Variants in METTL25 observed in about 807,000 individuals in gnomAD.
The protein encoded by METTL25 is probable methyltransferase-like protein 25.
In METTL25, 64 loss-of-function variants were observed where a neutral mutation model predicts 71.6. The ratio of observed to expected loss-of-function variants is 0.89; its 90% CI spans 0.73 to 1.10. METTL25 has a LOEUF of 1.10. Among genes scored for constraint, METTL25 ranks in the 50% least tolerant of loss-of-function variants. METTL25 has a pLI of 0.00. For synonymous variants in METTL25, 287 were observed against 250.3 expected (o/e 1.15, Z -1.38); for missense variants, 807 against 707.0 (o/e 1.14, Z -1.60).
intron 5 of METTL25, among the ~76,000 whole-genome samples, chr12:82,406,546 T>G (rs1887111630): frequency 6.6e-6 from 1 of 152,278 alleles, no homozygotes; most frequent in Non-Finnish European, 1.5e-5. Flanking sequence ...ATATTGTATT[T>G]TATTTATTCA....
chr12:82,358,865 A>G (rs1325220620), intron 1 of METTL25, 41 bp downstream of exon 1: 2 of 1,560,770 alleles, frequency 1.3e-6, no homozygotes, highest in East Asian at 2.4e-5. Context: ...GAGGCGGAGG[A>G]GAAGGTCCCG....
chr12:82,430,848 G>T (rs1271562744), intron 5 of METTL25, 45 bp from the exon 6 acceptor site: 2 of 1,051,762 alleles, frequency 1.9e-6, no homozygotes, highest in Non-Finnish European at 2.8e-6. Flanking sequence ...AACTGAAAAA[G>T]AAAGAATTTT....
chr12:82,438,685 T>C (rs1284260347), intron 7 of METTL25, 33 bp from the exon 8 acceptor site: 2 of 1,376,288 alleles, frequency 1.5e-6, no homozygotes, highest in Middle Eastern at 3.8e-4. Context: ...TTTTTTTGTT[T>C]CTTGTGCTTA....
chr12:82,434,643 ATC>A, intron 6 of METTL25, 50 bp from the exon 7 acceptor site: 3 of 1,390,052 alleles, frequency 2.2e-6, no homozygotes, highest in Non-Finnish European at 2.9e-6. Context: ...GTGTTTATAA[ATC>A]TTATAAGACT....
intron 9 of METTL25, among the ~76,000 whole-genome samples, chr12:82,471,265 T>G (rs1892552640): frequency 6.6e-6 from 1 of 152,240 alleles, no homozygotes; most frequent in Non-Finnish European, 1.5e-5. Flanking sequence ...GCTAGATTAG[T>G]CTGCATTCCT....
At chr12:82,432,063 C>T (rs1357990590) in intron 6 of METTL25, among the ~76,000 whole-genome samples, 2 of 151,466 alleles carry the variant, frequency 1.3e-5, no homozygotes, top group East Asian at 3.9e-4. Flanking sequence ...ATGTTGTATA[C>T]TTTAAATTTA....
At chr12:82,470,182 C>A (rs1285717923) in intron 9 of METTL25, among the ~76,000 whole-genome samples, 1 of 152,122 alleles carries the variant, frequency 6.6e-6, no homozygotes, top group Non-Finnish European at 1.5e-5. Flanking sequence ...GAAAGAAATT[C>A]ATGATTATTT....
At chr12:82,452,987 A>G (rs867815926) in intron 8 of METTL25, among the ~76,000 whole-genome samples, 20 of 152,210 alleles carry the variant, frequency 1.3e-4, no homozygotes, top group South Asian at 1.0e-3. Flanking sequence ...CAACCACTAC[A>G]CTATCGTGCA....
chr12:82,419,490 G>A (rs543813719), intron 5 of METTL25, among the ~76,000 whole-genome samples: 1 of 151,996 alleles, frequency 6.6e-6, no homozygotes, highest in Non-Finnish European at 1.5e-5. Context: ...TGTCCATAAG[G>A]GGCTGCTTTT....
chr12:82,383,191 T>C (rs1018871661), intron 1 of METTL25, among the ~76,000 whole-genome samples: 3 of 152,120 alleles, frequency 2.0e-5, no homozygotes, highest in African/African-American at 7.2e-5. Flanking sequence ...TTCTTTCTTT[T>C]TGAGACGGAG....
chr12:82,465,876 A>AT (rs1892197099), intron 9 of METTL25, among the ~76,000 whole-genome samples: 1 of 150,946 alleles, frequency 6.6e-6, no homozygotes, highest in Non-Finnish European at 1.5e-5. Flanking sequence ...GCATTTTCTA[A>AT]TTTTTTGGTG....
At chr12:82,439,529 TA>T (rs1440081835) in intron 8 of METTL25, among the ~76,000 whole-genome samples, 6 of 151,806 alleles carry the variant, frequency 4.0e-5, no homozygotes, top group African/African-American at 1.4e-4. Context: ...TGAAAAGATA[TA>T]AAAGGGATTT....
At chr12:82,361,120 C>A (rs746764652) in intron 1 of METTL25, among the ~76,000 whole-genome samples, 1 of 152,050 alleles carries the variant, frequency 6.6e-6, no homozygotes, top group Non-Finnish European at 1.5e-5. Context: ...GTCCATTTTA[C>A]AGAGAGCTGA....
intron 9 of METTL25, among the ~76,000 whole-genome samples, chr12:82,460,969 C>T (rs1891833092): frequency 6.6e-6 from 1 of 152,068 alleles, no homozygotes; most frequent in South Asian, 2.1e-4. Flanking sequence ...CAGTGAAACC[C>T]CATCTCTACT....
chr12:82,452,366 A>T (rs1891211232), intron 8 of METTL25, among the ~76,000 whole-genome samples: 1 of 152,122 alleles, frequency 6.6e-6, no homozygotes, highest in African/African-American at 2.4e-5. Context: ...AGCCAGGTGC[A>T]GTGGCTCATG....
intron 3 of METTL25, among the ~76,000 whole-genome samples, chr12:82,396,943 T>G (rs887539494): frequency 6.6e-6 from 1 of 152,144 alleles, no homozygotes; most frequent in East Asian, 1.9e-4. Context: ...ATTTTATTGC[T>G]GAGTAGTATG....
chr12:82,367,360 C>G (rs1039462693), intron 1 of METTL25, among the ~76,000 whole-genome samples: 1 of 152,098 alleles, frequency 6.6e-6, no homozygotes, highest in Non-Finnish European at 1.5e-5. Flanking sequence ...TAAATTCTTT[C>G]CTTGGTTTTA....
intron 9 of METTL25, 30 bp downstream of exon 9, chr12:82,456,850 A>T (rs1452714884): frequency 1.1e-5 from 12 of 1,061,186 alleles, no homozygotes; most frequent in Non-Finnish European, 1.6e-5. Context: ...TTATTTTCAG[A>T]AAAGACAGAA....
chr12:82,361,495 C>T (rs932007684), intron 1 of METTL25, among the ~76,000 whole-genome samples: 7 of 152,108 alleles, frequency 4.6e-5, no homozygotes, highest in African/African-American at 9.7e-5. Context: ...GCTTGGGCTA[C>T]GCAGGAGCCC....
Sources: gnomAD v4.1 joint callset for allele counts (sites outside exome capture counted in the v4.1 genomes callset) on GRCh38, gnomAD v4.1.1 for gene constraint, MANE v1.5 for transcripts, NCBI Gene and HGNC (gene_info 2026-07-23, HGNC 2026-07-21) for gene names.